BMP1: variants seen among roughly 807,000 people sequenced by gnomAD.
The protein encoded by BMP1 is mammalian tolloid protein.
In BMP1, 63 loss-of-function variants were observed where a neutral mutation model predicts 116.8. That is an observed-to-expected ratio of 0.54 (90% CI 0.44 to 0.67). The LOEUF is 0.67. Ranked by LOEUF, BMP1 falls within the 30% of genes least tolerant of loss-of-function variation. The probability of loss-of-function intolerance (pLI) is 0.00; values close to 1 mark genes in which losing one functional copy is unlikely to be tolerated. For missense variants in BMP1, 1,183 were observed against 1,358.9 expected (o/e 0.87, Z 2.04); for synonymous variants, 536 against 533.4 (o/e 1.00, Z -0.07).
chr8:22,176,811 C>A, intron 4 of BMP1, 150 bp from the exon 5 acceptor site: 1 of 983,742 alleles, frequency 1.0e-6, no homozygotes, highest in Non-Finnish European at 1.5e-6. Flanking sequence ...CGGCTGTGAC[C>A]TCCAGCACAC....
chr8:22,207,395 C>T lies in BMP1; in HGVS notation c.2454C>T (p.Leu818=), dbSNP rs762229757. 4.9e-5 allele frequency: 79 copies of T among 1,614,204 alleles called. No individual in the cohort carries two copies. Among genetic ancestry groups the T allele is most frequent in the Non-Finnish European group, 5.9e-5 (70 of 1,180,046 alleles). The part of the protein sequence containing the change: ...FDGRDAKAPV[L]GRFCGSKKPE... ...GGCGAGACGCCAAGGCCCCCGTCCTCGGCCGCTTCTGTGGGAGCAAGAAGC... is the reference window on the plus strand; with the variant it reads ...GGCGAGACGCCAAGGCCCCCGTCCTTGGCCGCTTCTGTGGGAGCAAGAAGC... Residue 818 remains leucine (L), a synonymous_variant, in exon 18 of 20, where the codon CTC becomes CTT. Coordinates refer to ENST00000306385, the MANE Select transcript of BMP1 (RefSeq NM_006129.5).
intron 9 of BMP1, among the ~76,000 whole-genome samples, chr8:22,193,628 A>G (rs1828995421): frequency 6.6e-6 from 1 of 152,194 alleles, no homozygotes; most frequent in Admixed American, 6.5e-5. Context: ...TACTAAAAAT[A>G]CGAAAATTAG....
rs1035427476 is a variant in BMP1, at chr8:22,196,747, C to T, written c.1833C>T (p.Tyr611=). The T allele has an allele frequency of 2.3e-5, 37 of 1,613,660 alleles. No homozygotes were observed. The highest frequency in any genetic ancestry group is 2.3e-4 in the African/African-American group (17 of 74,808). ...SITSPGWPKE[Y]PPNKNCIWQL... is the part of the protein sequence containing the mutation. ...CCAGCCCGGGCTGGCCCAAGGAGTA[C>T]CCCCCCAACAAGAACTGCATCTGGC... is the stretch of plus-strand genomic sequence containing the variant. The change falls in exon 14 of 20, where the codon TAC becomes TAT. Residue 611 remains tyrosine, a synonymous_variant. Transcript: ENST00000306385.
chr8:22,201,044 C>T, intron 15 of BMP1: 1 of 1,113,560 alleles, frequency 9.0e-7, no homozygotes, highest in East Asian at 5.2e-5. Flanking sequence ...CTGGTTTTCA[C>T]TGCTGTCCCT....
Position 22,194,328 on chromosome 8 carries a change from G to A in BMP1, c.1298-117G>A, listed in dbSNP as rs1162736646. The stretch of plus-strand genomic sequence containing the variant: ...ATTGCCTGGGACTGGGGGTTTGGTG[G>A]GGAACTGAAAAGCTGGGGGACATGG... On this transcript the variant is annotated intron_variant, in intron 10 of 19. Transcript: ENST00000306385. The surrounding 1 kb of genome is among the most constrained non-coding windows in gnomAD (Gnocchi z 4.5). The A allele has an allele frequency of 4.7e-6, 7 of 1,484,312 alleles. No homozygotes were observed. The highest frequency in any genetic ancestry group is 1.8e-4 in the Middle Eastern group (1 of 5,682). 91.9% of individuals were successfully genotyped at this position (1,484,312 alleles called of 1,614,324 possible).
intron 16 of BMP1, among the ~76,000 whole-genome samples, chr8:22,203,735 AGT>A (rs2131898506): frequency 6.6e-6 from 1 of 152,326 alleles, no homozygotes; most frequent in African/African-American, 2.4e-5. Context: ...AGCCCTCAAC[AGT>A]GAACCAGTGG....
In BMP1 at chr8:22,188,473, T is replaced by TC. The variant is rs552974707; in HGVS notation, c.1078-3575dup. ...GCATAAGCCACCGCACCCGGCCCCA[T>TC]CTCAATTTCAGACAAAAACACTGAG... On this transcript the variant is annotated intron_variant, in intron 8 of 19. Coordinates refer to ENST00000306385, the MANE Select transcript of BMP1 (RefSeq NM_006129.5). Among the ~76,000 whole-genome samples the TC allele has an allele frequency of 6.6e-3, 1,010 of 152,246 alleles. 6 individuals carry two copies. The highest frequency in any genetic ancestry group is 0.012 in the Non-Finnish European group (794 of 68,004).
In BMP1 at chr8:22,165,491, C is replaced by G; in HGVS notation, c.86C>G (p.Thr29Ser). 6.3e-7 allele frequency: 1 copy of G among 1,595,498 alleles called. No individual in the cohort carries two copies. The highest frequency in any genetic ancestry group is 8.5e-7 in the Non-Finnish European group (1 of 1,173,070). Residue 29 changes from threonine (T) to serine (S), a missense_variant, in exon 1 of 20, where the codon ACC (threonine) becomes AGC (serine). Thr to Ser is a moderately conservative substitution (Grantham distance 58). This residue lies in a region of BMP1 where 185 missense variants were observed against 158.9 expected (regional missense o/e 1.16). Transcript: ENST00000306385. ...PGRPLDLADY[T>S]YDLAEEDDSE... ...CGGCCGCTGGACTTGGCCGACTACA[C>G]CTATGACCTGGCGGAGGAGGACGAC...
At chr8:22,172,803 G>A (rs1828318850) in intron 1 of BMP1, among the ~76,000 whole-genome samples, 1 of 151,730 alleles carries the variant, frequency 6.6e-6, no homozygotes, top group Admixed American at 6.6e-5. Context: ...TTTTTATAGA[G>A]ACGGGGTTTC....
At chr8:22,196,508 C>A in intron 13 of BMP1, 172 bp from the exon 14 acceptor site, 1 of 923,164 alleles carries the variant, frequency 1.1e-6, no homozygotes, top group Non-Finnish European at 1.7e-6. Context: ...CTGAGGACAC[C>A]CAGGCCACCC....
At chr8:22,188,721 G>C (rs900293164) in intron 8 of BMP1, among the ~76,000 whole-genome samples, 1 of 152,186 alleles carries the variant, frequency 6.6e-6, no homozygotes, top group Non-Finnish European at 1.5e-5. Flanking sequence ...TCTTCCTCCT[G>C]AGCGATGTGA....
chr8:22,175,318 C>T (rs1366531606), intron 2 of BMP1, among the ~76,000 whole-genome samples: 1 of 152,212 alleles, frequency 6.6e-6, no homozygotes, highest in Admixed American at 6.5e-5. Flanking sequence ...GAATGCTCCA[C>T]AAATGTCAAG....
chr8:22,209,620 C>T lies in BMP1; in HGVS notation c.2751C>T (p.Cys917=), dbSNP rs376975956. The T allele has an allele frequency of 1.9e-5, 30 of 1,614,068 alleles. No homozygotes were observed. The highest frequency in any genetic ancestry group is 3.3e-4 in the Middle Eastern group (2 of 6,084). Residue 917 remains cysteine, a synonymous_variant, in exon 19 of 20, where the codon TGC becomes TGT. Transcript: ENST00000306385. ...QTFEVEEETD[C]GYDYMELFDG... is the part of the protein sequence containing the mutation. ...TTGAGGTGGAGGAGGAGACCGACTG[C>T]GGCTATGACTACATGGAGCTCTTCG...
chr8:22,205,951 A>G (rs1680142003), intron 16 of BMP1, among the ~76,000 whole-genome samples: 1 of 150,078 alleles, frequency 6.7e-6, no homozygotes, highest in Admixed American at 6.6e-5. Flanking sequence ...GTGGACCGTT[A>G]TATGTCTGTT....
At chr8:22,192,899 A>C (rs1828975798) in intron 9 of BMP1, among the ~76,000 whole-genome samples, 1 of 152,218 alleles carries the variant, frequency 6.6e-6, no homozygotes, top group African/African-American at 2.4e-5. Context: ...TCTTCTCCTC[A>C]GCCTATGCCT....
chr8:22,184,187 A>G (rs1447663156), intron 8 of BMP1, among the ~76,000 whole-genome samples: 1 of 152,226 alleles, frequency 6.6e-6, no homozygotes, highest in Non-Finnish European at 1.5e-5. Flanking sequence ...GGCCCTGAGC[A>G]GTGGAGTCAG....
intron 2 of BMP1, 143 bp downstream of exon 2, chr8:22,173,858 G>A (rs1313947585): frequency 1.5e-5 from 8 of 545,512 alleles, no homozygotes; most frequent in Admixed American, 7.2e-5. Context: ...ATCTTCCCTC[G>A]GGATATCTTC....
chr8:22,206,933 G>A lies in BMP1; in HGVS notation c.2313G>A (p.Lys771=). ...GGCCTGACAAGTATCCCAGCAAGAA[G>A]GAGTGCACGTGGGCCATCTCCAGCA... ...PNWPDKYPSK[K]ECTWAISSTP... Residue 771 remains lysine, a synonymous_variant, in exon 17 of 20, where the codon AAG becomes AAA. Transcript: ENST00000306385. The A allele has an allele frequency of 6.2e-7, 1 of 1,614,226 alleles. No individual in the cohort carries two copies. The highest frequency in any genetic ancestry group is 1.1e-5 in the South Asian group (1 of 91,082).
intron 8 of BMP1, among the ~76,000 whole-genome samples, chr8:22,183,888 TTA>T: frequency 6.6e-6 from 1 of 152,280 alleles, no homozygotes; most frequent in East Asian, 1.9e-4. Context: ...GTTAAATTCT[TTA>T]TGTGTGTTAT....
Sources: allele counts gnomAD v4.1 joint callset (sites outside exome capture counted in the v4.1 genomes callset), GRCh38; gene constraint gnomAD v4.1.1; regional missense constraint gnomAD v4.1.1; non-coding constraint Gnocchi (gnomAD v3.1); transcripts MANE v1.5; gene names NCBI Gene and HGNC (gene_info 2026-07-23, HGNC 2026-07-21).